The following RNF17 variants were observed in gnomAD, a reference collection of about 807,000 sequenced individuals.
RNF17 encodes the protein spermatogenesis associated 23.
RNF17 carries 31 observed loss-of-function variants against 200.5 expected under a neutral mutation model. The observed-to-expected ratio is 0.15, with a 90% CI of 0.12 to 0.21. The LOEUF is 0.21. RNF17 is among the 10% of genes least tolerant of loss of function. RNF17 has a pLI of 1.00. For missense variants in RNF17, 1,628 were observed against 1,905.1 expected (o/e 0.85, Z 2.71); for synonymous variants, 606 against 637.8 (o/e 0.95, Z 0.75).
At chr13:24,885,454 G>A in the RNF17 span, 5 of 1,242,084 alleles carry the variant, frequency 4.0e-6, no homozygotes, top group Non-Finnish European at 5.9e-6. Flanking sequence ...TCTGATATAG[G>A]GTTCTAGGAC....
chr13:24,846,997 A>G (rs963280041), intron 22 of RNF17, among the ~76,000 whole-genome samples: 1 of 150,930 alleles, frequency 6.6e-6, no homozygotes, highest in Non-Finnish European at 1.5e-5. Context: ...CAGCATTATT[A>G]TAAAAACTTT....
chr13:24,881,596 A>G (rs1201590107), downstream of RNF17, among the ~76,000 whole-genome samples: 1 of 151,598 alleles, frequency 6.6e-6, no homozygotes, highest in Non-Finnish European at 1.5e-5. Context: ...ATATATAGAT[A>G]TATCTATCTA....
At chr13:24,873,075 T>A (rs920782908) in intron 32 of RNF17, among the ~76,000 whole-genome samples, 4 of 152,186 alleles carry the variant, frequency 2.6e-5, no homozygotes, top group African/African-American at 7.2e-5. Context: ...ATTGAATTTT[T>A]AAAAATTCAA....
Position 24,812,534 on chromosome 13 carries a change from C to T in RNF17, c.2091+8105C>T, listed in dbSNP as rs1289960951. ...GGTGCATGCACCCACTGACCTGCGC[C>T]CACTGTCTGGCACTCCCTAGTGAGA... On this transcript the variant is annotated intron_variant, in intron 15 of 35. Coordinates refer to ENST00000255324, the MANE Select transcript of RNF17 (RefSeq NM_031277.3). 3.3e-5 allele frequency among the ~76,000 whole-genome samples: 5 copies of T among 152,010 alleles called. No homozygotes were observed. The East Asian group carries it at 9.7e-4, about 30-fold the overall frequency.
At chr13:24,779,769 A>AT (rs1882096236) in intron 5 of RNF17, 22 bp downstream of exon 5, 1 of 1,571,356 alleles carries the variant, frequency 6.4e-7, no homozygotes, top group Admixed American at 1.7e-5. Flanking sequence ...GCAGGATTAA[A>AT]TTCTATCATG....
intron 5 of RNF17, among the ~76,000 whole-genome samples, chr13:24,780,844 T>G (rs1293522839): frequency 1.3e-5 from 2 of 151,990 alleles, no homozygotes; most frequent in African/African-American, 4.8e-5. Flanking sequence ...ATCGTGCCAC[T>G]GTACTTCAGC....
chr13:24,749,757 C>T, the RNF17 span, among the ~76,000 whole-genome samples: 4 of 151,960 alleles, frequency 2.6e-5, no homozygotes, highest in East Asian at 1.9e-4. Flanking sequence ...TGTTTTGTTT[C>T]GTTTTTTATT....
chr13:24,873,686 T>G (rs1027612109), intron 32 of RNF17, among the ~76,000 whole-genome samples: 13 of 152,180 alleles, frequency 8.5e-5, no homozygotes, highest in Admixed American at 8.5e-4. Context: ...AACCAACCTC[T>G]CTTCATCCCC....
chr13:24,881,998 CTATA>C (rs1209852931), downstream of RNF17, among the ~76,000 whole-genome samples: 1 of 32,296 alleles, frequency 3.1e-5, no homozygotes, highest in African/African-American at 1.0e-4. Flanking sequence ...ATAGATACAT[CTATA>C]TAGATATATA....
chr13:24,791,457 G>A (rs1011031963), intron 9 of RNF17, among the ~76,000 whole-genome samples: 13 of 152,158 alleles, frequency 8.5e-5, no homozygotes, highest in Admixed American at 8.5e-4. Context: ...GGAGGGGGAA[G>A]ATAGTATGTT....
chr13:24,804,282 A>C lies in RNF17; in HGVS notation c.1950-6A>C, dbSNP rs201938098. On this transcript the variant is annotated splice_polypyrimidine_tract_variant and splice_region_variant and intron_variant, in intron 14 of 35. Coordinates refer to ENST00000255324, the MANE Select transcript of RNF17 (RefSeq NM_031277.3). ...TGCTTACGCTTTTCATTATGCTTTT[A>C]ATTAGGTTTAAGTCACAATCACTAA... 11 of 1,611,092 alleles carry C rather than the reference A, an allele frequency of 6.8e-6. No individual in the cohort carries two copies. Among genetic ancestry groups the C allele is most frequent in the African/African-American group, 5.3e-5 (4 of 75,002 alleles).
At chr13:24,886,160 T>A in the RNF17 span, 1 of 489,268 alleles carries the variant, frequency 2.0e-6, no homozygotes, top group African/African-American at 2.0e-5. Flanking sequence ...GTGAGGTGAA[T>A]CTCTCTCTAA....
intron 25 of RNF17, among the ~76,000 whole-genome samples, chr13:24,854,673 TA>T (rs1892275795): frequency 6.6e-6 from 1 of 152,160 alleles, no homozygotes; most frequent in Admixed American, 6.6e-5. Context: ...CAGGCCCCTT[TA>T]CTCAAAGTGG....
chr13:24,771,198 CTG>C (rs1347270572), intron 2 of RNF17, among the ~76,000 whole-genome samples: 1 of 152,086 alleles, frequency 6.6e-6, no homozygotes, highest in Non-Finnish European at 1.5e-5. Context: ...TTCCCCCAGA[CTG>C]GAGTGCAGTG....
chr13:24,877,954 A>T (rs189341575), intron 34 of RNF17, among the ~76,000 whole-genome samples: 57 of 152,326 alleles, frequency 3.7e-4, no homozygotes, highest in African/African-American at 1.3e-3. Flanking sequence ...TTACCCAAAA[A>T]GTCTGTATTT....
chr13:24,792,149 A>G (rs967081811), intron 9 of RNF17, among the ~76,000 whole-genome samples: 1 of 152,194 alleles, frequency 6.6e-6, no homozygotes, highest in Non-Finnish European at 1.5e-5. Context: ...CAACTTGAAT[A>G]TGGTTACTAT....
At chr13:24,883,326 G>C, downstream of RNF17, 2 of 1,613,668 alleles carry the variant, frequency 1.2e-6, no homozygotes, top group Admixed American at 1.7e-5. Flanking sequence ...GCAGTATGTA[G>C]TTCTCTTTGG....
chr13:24,766,905 A>G (rs900961319), intron 1 of RNF17, among the ~76,000 whole-genome samples: 2 of 152,174 alleles, frequency 1.3e-5, no homozygotes, highest in Non-Finnish European at 2.9e-5. Context: ...CTCCCTCCTG[A>G]CCTGAATAGT....
chr13:24,760,136 A>G (rs1394612014), upstream of RNF17, among the ~76,000 whole-genome samples: 9 of 152,168 alleles, frequency 5.9e-5, no homozygotes, highest in Non-Finnish European at 2.9e-5. Context: ...GCAAGACTCC[A>G]TCTCAAAAAA....
Sources: allele counts gnomAD v4.1 joint callset (sites outside exome capture counted in the v4.1 genomes callset), GRCh38; gene constraint gnomAD v4.1.1; transcripts MANE v1.5; gene names NCBI Gene and HGNC (gene_info 2026-07-23, HGNC 2026-07-21).